CWC27: variants seen among roughly 807,000 people sequenced by gnomAD.
CWC27 encodes the protein CWC27 spliceosome associated cyclophilin.
In CWC27, 47 loss-of-function variants were observed where a neutral mutation model predicts 63.6. The observed-to-expected ratio is 0.74, with a 90% CI of 0.58 to 0.94. The LOEUF (loss-of-function observed/expected upper bound fraction) is 0.94, where lower values mean the gene tolerates loss of function less well. Ranked by LOEUF, CWC27 falls within the 40% of genes least tolerant of loss-of-function variation. The probability of loss-of-function intolerance (pLI) is 0.00; values close to 1 mark genes in which losing one functional copy is unlikely to be tolerated. For missense variants in CWC27, 495 were observed against 554.3 expected, an observed-to-expected ratio of 0.89 and a Z score of 1.07; for synonymous variants, 175 against 179.8, an observed-to-expected ratio of 0.97 and a Z score of 0.22.
Position 64,774,746 on chromosome 5 carries a change from C to G in CWC27, c.98C>G (p.Ala33Gly). 6.2e-7 allele frequency: 1 copy of G among 1,607,714 alleles called. No homozygotes were observed. The highest frequency in any genetic ancestry group is 8.5e-7 in the Non-Finnish European group (1 of 1,177,242). Residue 33 changes from alanine to glycine, a missense_variant, in exon 2 of 14, where the codon GCT becomes GGT. Coordinates refer to ENST00000381070, the MANE Select transcript of CWC27 (RefSeq NM_005869.4). The stretch of plus-strand genomic sequence containing the variant: ...GACATAGAGTTGTGGTCCAAAGAAG[C>G]TCCTAAAGCTTGCAGAAATTTTATC... Reference protein sequence around the residue: ...DIDIELWSKEAPKACRNFIQL... With the variant: ...DIDIELWSKEGPKACRNFIQL...
At chr5:64,785,639 CT>C in intron 5 of CWC27, 60 bp downstream of exon 5, 1 of 1,063,020 alleles carries the variant, frequency 9.4e-7, no homozygotes, top group Non-Finnish European at 1.4e-6. Context: ...GGAATTGATT[CT>C]TAGTATTTTT....
At chr5:64,917,286 CA>C (rs1747909118) in intron 11 of CWC27, among the ~76,000 whole-genome samples, 1 of 152,174 alleles carries the variant, frequency 6.6e-6, no homozygotes, top group Admixed American at 6.5e-5. Context: ...CTAGTGGAGA[CA>C]AAGTGAGGCA....
chr5:64,908,115 T>C (rs1168430059), intron 11 of CWC27, among the ~76,000 whole-genome samples: 3 of 152,250 alleles, frequency 2.0e-5, no homozygotes, highest in Admixed American at 6.5e-5. Flanking sequence ...AAAGAACATC[T>C]TTATTTCTGC....
rs560335870 is a variant in CWC27, at chr5:64,785,720, C to T, written c.495+141C>T. The T allele has an allele frequency of 4.3e-4, 217 of 506,234 alleles. 2 individuals carry two copies. In the East Asian group the frequency reaches 7.3e-3, roughly 17 times the overall value. 31.4% of individuals were successfully genotyped at this position (506,234 alleles called of 1,614,324 possible). On this transcript the variant is annotated intron_variant, in intron 5 of 13. Transcript: ENST00000381070. ...AAATTTTATCTCTAATTTATTTGGG[C>T]ACCGTTTCTAGTTAAGAATTTTTTT...
intron 13 of CWC27, among the ~76,000 whole-genome samples, chr5:64,994,705 A>G (rs1380786315): frequency 1.3e-5 from 2 of 152,096 alleles, no homozygotes; most frequent in Non-Finnish European, 2.9e-5. Flanking sequence ...AATGACTTTG[A>G]TAAAATTATT....
At chr5:64,906,448 G>T (rs559441194) in intron 11 of CWC27, among the ~76,000 whole-genome samples, 1 of 152,264 alleles carries the variant, frequency 6.6e-6, no homozygotes, top group Admixed American at 6.5e-5. Flanking sequence ...TCACGTGTCT[G>T]TTGGCTGCAC....
chr5:64,916,498 C>CT (rs1747889497), intron 11 of CWC27, among the ~76,000 whole-genome samples: 1 of 152,164 alleles, frequency 6.6e-6, no homozygotes, highest in Non-Finnish European at 1.5e-5. Flanking sequence ...GAACTAAGCA[C>CT]TAAATAGTTA....
At chr5:64,983,654 C>T (rs1309570) in intron 13 of CWC27, among the ~76,000 whole-genome samples, 68,134 of 152,038 alleles carry the variant, frequency 0.45, 15,436 homozygotes, top group African/African-American at 0.47. Context: ...AATAAATGTA[C>T]CCGTTGTCAC....
intron 11 of CWC27, among the ~76,000 whole-genome samples, chr5:64,897,275 C>A (rs1747401555): frequency 6.6e-6 from 1 of 152,142 alleles, no homozygotes; most frequent in East Asian, 1.9e-4. Flanking sequence ...ACTATAAAGA[C>A]ACATGCACAC....
At position 64,829,574 on chromosome 5, in the gene CWC27, A is replaced by G. The variant is rs115151663; in HGVS notation, c.938+25188A>G. On this transcript the variant is annotated intron_variant, in intron 10 of 13. Coordinates refer to ENST00000381070, the MANE Select transcript of CWC27 (RefSeq NM_005869.4). Reference sequence around the variant, plus strand: ...CCTCATATACTTAATTGCTGAATATATGCTGACAATAACTTCAATGCTGAG... The same window carrying G: ...CCTCATATACTTAATTGCTGAATATGTGCTGACAATAACTTCAATGCTGAG... Among the ~76,000 whole-genome samples the G allele has an allele frequency of 2.3e-3, 343 of 152,018 alleles. 1 individual carries two copies. The highest frequency in any genetic ancestry group is 7.9e-3 in the African/African-American group (326 of 41,466).
chr5:65,011,984 A>C (rs1315422311), intron 13 of CWC27, among the ~76,000 whole-genome samples: 1 of 152,226 alleles, frequency 6.6e-6, no homozygotes, highest in Non-Finnish European at 1.5e-5. Context: ...GTAAGTAAGC[A>C]TTCACCTAAA....
At chr5:64,806,141 A>T (rs911228119) in intron 10 of CWC27, among the ~76,000 whole-genome samples, 16 of 139,582 alleles carry the variant, frequency 1.1e-4, no homozygotes, top group Non-Finnish European at 2.4e-4. Context: ...TTACATAGGA[A>T]CATATATATC....
rs368291076 is a variant in CWC27, at chr5:64,836,186, A to G, written c.938+31800A>G. Reference sequence around the variant, plus strand: ...GTATAATTTAGTGAACCTTAAGCAAATAGTTTACAATTAAATTTAAATATT... The same window carrying G: ...GTATAATTTAGTGAACCTTAAGCAAGTAGTTTACAATTAAATTTAAATATT... On this transcript the variant is annotated intron_variant, in intron 10 of 13. Transcript: ENST00000381070. Among the ~76,000 whole-genome samples, 21 of 152,006 alleles carry G rather than the reference A, an allele frequency of 1.4e-4. 1 individual carries two copies. Among genetic ancestry groups the G allele is most frequent in the African/African-American group, 5.1e-4 (21 of 41,536 alleles).
At chr5:64,836,857 CA>C (rs1426210949) in intron 10 of CWC27, among the ~76,000 whole-genome samples, 1 of 151,916 alleles carries the variant, frequency 6.6e-6, no homozygotes, top group Non-Finnish European at 1.5e-5. Flanking sequence ...AAAATGTGCC[CA>C]TCATTGAGTG....
chr5:64,885,667 TC>T (rs1441522419), intron 11 of CWC27, 121 bp downstream of exon 11: 5 of 710,788 alleles, frequency 7.0e-6, no homozygotes, highest in African/African-American at 1.8e-5. Context: ...CATTTTTTCT[TC>T]CCTCTTTCTT....
At position 64,918,162 on chromosome 5, in the gene CWC27, A is replaced by G. The variant is rs140750736; in HGVS notation, c.1042+32616A>G. Among the ~76,000 whole-genome samples, 1,411 of 152,294 alleles carry G rather than the reference A, an allele frequency of 9.3e-3. 17 individuals are homozygous for G. Among genetic ancestry groups the G allele is most frequent in the African/African-American group, 0.033 (1,354 of 41,560 alleles). ...CCAAAAATATATTAAATCAATAATA[A>G]TTTAGATCCAAGATGTTATTGATGG... On this transcript the variant is annotated intron_variant, in intron 11 of 13. Coordinates refer to ENST00000381070, the MANE Select transcript of CWC27 (RefSeq NM_005869.4).
At position 65,013,104 on chromosome 5, in the gene CWC27, G is replaced by C. The variant is rs138092535; in HGVS notation, c.1257-5055G>C. ...GCCCTTCTCTCTAGTTCTACATCAG[G>C]TGCTATATGAGATGGATAAGAACAT... On this transcript the variant is annotated intron_variant, in intron 13 of 13. Transcript: ENST00000381070. Among the ~76,000 whole-genome samples, 183 of 152,232 alleles carry C rather than the reference G, an allele frequency of 1.2e-3. 1 individual carries two copies. The highest frequency in any genetic ancestry group is 4.2e-3 in the African/African-American group (173 of 41,534).
At chr5:64,842,239 T>C (rs900755429) in intron 10 of CWC27, among the ~76,000 whole-genome samples, 3 of 152,190 alleles carry the variant, frequency 2.0e-5, no homozygotes, top group African/African-American at 7.2e-5. Context: ...TTTACAATAG[T>C]GTAATATAAC....
chr5:64,972,715 T>C (rs1293855504), intron 12 of CWC27: 1 of 452,628 alleles, frequency 2.2e-6, no homozygotes, highest in Non-Finnish European at 4.4e-6. Context: ...CCATAGTGAC[T>C]ATACTACCAG....
Sources: allele counts gnomAD v4.1 joint callset (sites outside exome capture counted in the v4.1 genomes callset), GRCh38; gene constraint gnomAD v4.1.1; transcripts MANE v1.5; gene names NCBI Gene and HGNC (gene_info 2026-07-23, HGNC 2026-07-21).